Variants in LIMS1 observed in about 807,000 individuals in gnomAD.
LIMS1 encodes the protein LIM and senescent cell antigen-like-containing domain protein 1.
LIMS1 carries 18 observed loss-of-function variants against 44.1 expected under a neutral mutation model. The ratio of observed to expected loss-of-function variants is 0.41; its 90% CI spans 0.28 to 0.61. The LOEUF (loss-of-function observed/expected upper bound fraction) is 0.61, where lower values mean the gene tolerates loss of function less well. LIMS1 is among the 20% of genes least tolerant of loss of function. The pLI is 0.32. For synonymous variants in LIMS1, 93 were observed against 149.1 expected (o/e 0.62, Z 2.74); for missense variants, 201 against 422.0 (o/e 0.48, Z 4.59).
At chr2:108,630,281 T>C (rs997214813) in intron 1 of LIMS1, among the ~76,000 whole-genome samples, 1 of 151,884 alleles carries the variant, frequency 6.6e-6, no homozygotes, top group African/African-American at 2.4e-5. Flanking sequence ...ACAGTGAAAT[T>C]CAGGCATCCC....
chr2:108,621,041 G>C (rs766162235), intron 1 of LIMS1, among the ~76,000 whole-genome samples: 7 of 152,140 alleles, frequency 4.6e-5, no homozygotes, highest in Non-Finnish European at 1.0e-4. Context: ...GTTTTTAAAG[G>C]AATTGGTGTG....
intron 9 of LIMS1, chr2:108,681,619 G>A: frequency 3.1e-6 from 3 of 955,846 alleles, no homozygotes; most frequent in Non-Finnish European, 3.7e-6. Flanking sequence ...TCTAAGTTAT[G>A]TATTAAATTA....
intron 1 of LIMS1, chr2:108,621,399 CAGG>C: frequency 6.4e-7 from 1 of 1,551,078 alleles, no homozygotes; most frequent in Non-Finnish European, 8.7e-7. Context: ...CAGGTCTCTA[CAGG>C]AGAAGACGAG....
At chr2:108,668,482 C>A (rs916427839) in intron 2 of LIMS1, among the ~76,000 whole-genome samples, 8 of 152,160 alleles carry the variant, frequency 5.3e-5, no homozygotes, top group Non-Finnish European at 1.0e-4. Flanking sequence ...TCCTTCTGTG[C>A]TTATTTCACT....
At chr2:108,643,084 C>T (rs1689818859) in intron 1 of LIMS1, among the ~76,000 whole-genome samples, 3 of 152,188 alleles carry the variant, frequency 2.0e-5, no homozygotes, top group Non-Finnish European at 4.4e-5. Context: ...TCACTCTGCT[C>T]TGGGTGGATT....
At chr2:108,628,560 C>G (rs957911472) in intron 1 of LIMS1, among the ~76,000 whole-genome samples, 3 of 152,198 alleles carry the variant, frequency 2.0e-5, no homozygotes, top group African/African-American at 7.2e-5. Flanking sequence ...CTTCGCCTCC[C>G]AGGCTCAAGC....
At chr2:108,674,471 C>G (rs189450689) in intron 5 of LIMS1, among the ~76,000 whole-genome samples, 1,854 of 151,870 alleles carry the variant, frequency 0.012, 44 homozygotes, top group African/African-American at 0.043. Context: ...GCCTGTAATC[C>G]CAGCACTTTG....
intron 1 of LIMS1, among the ~76,000 whole-genome samples, chr2:108,597,979 A>C (rs1203204237): frequency 6.6e-6 from 1 of 151,948 alleles, no homozygotes; most frequent in Non-Finnish European, 1.5e-5. Flanking sequence ...GGTGTGAGCC[A>C]CCACACCTGG....
chr2:108,610,480 A>G (rs886568430), intron 1 of LIMS1, among the ~76,000 whole-genome samples: 1 of 152,158 alleles, frequency 6.6e-6, no homozygotes, highest in Non-Finnish European at 1.5e-5. Flanking sequence ...AGCAAATCCC[A>G]GACATCAGGT....
intron 1 of LIMS1, among the ~76,000 whole-genome samples, chr2:108,577,926 A>G (rs1685730542): frequency 6.6e-6 from 1 of 152,012 alleles, no homozygotes; most frequent in Non-Finnish European, 1.5e-5. Context: ...GTTTTTTGAG[A>G]CGGAGTCTTG....
chr2:108,659,715 T>G (rs1453084279), exon 2 of LIMS1: 7 of 1,612,364 alleles, frequency 4.3e-6, no homozygotes, highest in Middle Eastern at 2.1e-4. Flanking sequence ...GAGCAGTGTT[T>G]CGTGTGCGCT....
intron 1 of LIMS1, among the ~76,000 whole-genome samples, chr2:108,571,994 G>A (rs1308201160): frequency 6.6e-6 from 1 of 152,130 alleles, no homozygotes; most frequent in African/African-American, 2.4e-5. Flanking sequence ...ATGTTCTGTT[G>A]GAAAATATGC....
At chr2:108,650,439 C>T (rs1209538570) in intron 1 of LIMS1, among the ~76,000 whole-genome samples, 7 of 147,082 alleles carry the variant, frequency 4.8e-5, no homozygotes, top group South Asian at 2.1e-4. Flanking sequence ...TCTTTCGAGA[C>T]GGAGTTTTGC....
intron 1 of LIMS1, among the ~76,000 whole-genome samples, chr2:108,543,962 G>A (rs2104573951): frequency 6.6e-6 from 1 of 152,272 alleles, no homozygotes; most frequent in Middle Eastern, 3.4e-3. Flanking sequence ...AGGATCACTT[G>A]AGCCTGGGAG....
At chr2:108,558,650 G>C (rs1685009856) in intron 1 of LIMS1, among the ~76,000 whole-genome samples, 1 of 150,394 alleles carries the variant, frequency 6.6e-6, no homozygotes, top group African/African-American at 2.4e-5. Context: ...AAACTTTTAA[G>C]AATATATTTA....
At chr2:108,562,216 C>A (rs1436440827) in intron 1 of LIMS1, among the ~76,000 whole-genome samples, 4 of 152,210 alleles carry the variant, frequency 2.6e-5, no homozygotes, top group African/African-American at 9.7e-5. Context: ...CCCTGAGACA[C>A]AACAATATTG....
At chr2:108,551,951 G>GTATATATATATATATATATATATA (rs1236593437) in intron 1 of LIMS1, among the ~76,000 whole-genome samples, 1 of 128,334 alleles carries the variant, frequency 7.8e-6, no homozygotes, top group Non-Finnish European at 1.6e-5. Flanking sequence ...GTGTGTGTGT[G>GTATATATATATATATATATATATA]TGTATATATA....
rs182999321 is a variant in LIMS1, at chr2:108,669,466, A to T, written c.193-1315A>T. 1.6e-4 allele frequency among the ~76,000 whole-genome samples: 25 copies of T among 152,264 alleles called. No individual in the cohort carries two copies. The East Asian group carries it at 4.8e-3, about 29-fold the overall frequency. On this transcript the variant is annotated intron_variant, in intron 2 of 9. Transcript: ENST00000544547. ...TGCTTTGGTTGGTTCAACAGTAGGA[A>T]CTGACTTTGCCAGTTAAGCTGTGGT...
At chr2:108,660,101 G>A in intron 2 of LIMS1, 1 of 443,748 alleles carries the variant, frequency 2.3e-6, no homozygotes, top group Non-Finnish European at 4.4e-6. Context: ...CCACACTCAG[G>A]CCCCCCACAC....
Sources: allele counts gnomAD v4.1 joint callset (sites outside exome capture counted in the v4.1 genomes callset), GRCh38; gene constraint gnomAD v4.1.1; transcripts MANE v1.5; gene names NCBI Gene and HGNC (gene_info 2026-07-23, HGNC 2026-07-21).